Variants in RASA1 observed in about 807,000 individuals in gnomAD.
RASA1 encodes RAS p21 protein activator 1, also known as ras GTPase-activating protein 1.
Under a neutral mutation model 132.2 loss-of-function variants are expected in RASA1, and 25 were observed. The observed-to-expected ratio is 0.19, with a 90% CI of 0.14 to 0.26. The LOEUF (loss-of-function observed/expected upper bound fraction) is 0.26. RASA1 is among the 10% of genes least tolerant of loss of function. RASA1 has a pLI of 1.00. For synonymous variants in RASA1, 477 were observed against 449.9 expected (o/e 1.06, Z -0.76); for missense variants, 964 against 1,299.2 (o/e 0.74, Z 3.97).
intron 11 of RASA1, 120 bp from the exon 12 acceptor site, chr5:87,369,690 GTAT>G: frequency 1.4e-6 from 1 of 706,344 alleles, no homozygotes; most frequent in Non-Finnish European, 2.4e-6. Flanking sequence ...GTACAATGGA[GTAT>G]TATTTCTTTA....
chr5:87,330,196 TTAAG>T (rs1284969617), intron 1 of RASA1, among the ~76,000 whole-genome samples: 1 of 152,158 alleles, frequency 6.6e-6, no homozygotes, highest in Non-Finnish European at 1.5e-5. Context: ...TCCATAAGTT[TTAAG>T]TTTCTGTGTT....
At chr5:87,290,177 T>C (rs1323729938) in intron 1 of RASA1, among the ~76,000 whole-genome samples, 1 of 152,204 alleles carries the variant, frequency 6.6e-6, no homozygotes, top group African/African-American at 2.4e-5. Flanking sequence ...TTTACAGTGA[T>C]TTATTTCAAG....
intron 5 of RASA1, among the ~76,000 whole-genome samples, chr5:87,339,787 C>T (rs1015797019): frequency 3.9e-5 from 6 of 151,996 alleles, no homozygotes; most frequent in South Asian, 2.1e-4. Flanking sequence ...AGTAATTCCA[C>T]GTCATTTATA....
chr5:87,323,090 T>G (rs1756946677), intron 1 of RASA1, among the ~76,000 whole-genome samples: 1 of 152,176 alleles, frequency 6.6e-6, no homozygotes, highest in Non-Finnish European at 1.5e-5. Flanking sequence ...GGTTATAATT[T>G]GAGCTGATGG....
Position 87,370,227 on chromosome 5 carries a change from G to A in RASA1, c.1698+327G>A, listed in dbSNP as rs910988372. The stretch of plus-strand genomic sequence containing the variant: ...TCATCTCAGTATAATCCAAAGGTAA[G>A]CCAGTTAACCAGTTAGTTTTGCTAA... On this transcript the variant is annotated intron_variant, in intron 12 of 24. Coordinates refer to ENST00000274376, the MANE Select transcript of RASA1 (RefSeq NM_002890.3). Among the ~76,000 whole-genome samples, 3 of 152,082 alleles carry A rather than the reference G, an allele frequency of 2.0e-5. No individual in the cohort carries two copies. The South Asian group carries it at 6.2e-4, about 31-fold the overall frequency.
At chr5:87,329,475 A>C (rs1343370078) in intron 1 of RASA1, among the ~76,000 whole-genome samples, 1 of 152,036 alleles carries the variant, frequency 6.6e-6, no homozygotes, top group Non-Finnish European at 1.5e-5. Flanking sequence ...ACTAAAAACC[A>C]CAAATAAACA....
Position 87,267,945 on chromosome 5 carries a change from T to G in RASA1, c.-507T>G. ...ATTTCCTCGTTACCCCGCCCCCCTT[T>G]CTCTTGCCCCCCCACCCCTCTCATC... On this transcript the variant is annotated 5_prime_UTR_variant, in exon 1 of 25. Coordinates refer to ENST00000274376, the MANE Select transcript of RASA1 (RefSeq NM_002890.3). 3 of 363,222 alleles carry G rather than the reference T, an allele frequency of 8.3e-6. No homozygotes were observed. Among genetic ancestry groups the G allele is most frequent in the East Asian group, 4.2e-5 (1 of 23,550 alleles). 22.5% of individuals were successfully genotyped at this position (363,222 alleles called of 1,614,324 possible).
intron 9 of RASA1, among the ~76,000 whole-genome samples, chr5:87,360,548 C>T (rs1288687939): frequency 1.3e-5 from 2 of 152,128 alleles, no homozygotes; most frequent in Non-Finnish European, 2.9e-5. Context: ...AGTGATCAAT[C>T]CAGTGAATTT....
chr5:87,323,906 C>T (rs780828510), intron 1 of RASA1, among the ~76,000 whole-genome samples: 102 of 152,036 alleles, frequency 6.7e-4, no homozygotes, highest in Non-Finnish European at 1.2e-3. Context: ...CCTGTGTATC[C>T]TCCTACTTAC....
At chr5:87,312,489 A>G (rs1317442054) in intron 1 of RASA1, among the ~76,000 whole-genome samples, 1 of 152,188 alleles carries the variant, frequency 6.6e-6, no homozygotes, top group Non-Finnish European at 1.5e-5. Flanking sequence ...CTAATTTCTA[A>G]TACAGTAAAT....
At chr5:87,295,807 T>C (rs1359265715) in intron 1 of RASA1, among the ~76,000 whole-genome samples, 1 of 148,528 alleles carries the variant, frequency 6.7e-6, no homozygotes, top group Non-Finnish European at 1.5e-5. Context: ...CCACCACGCC[T>C]GTCCTCTAGT....
intron 1 of RASA1, among the ~76,000 whole-genome samples, chr5:87,286,838 AC>A (rs775611637): frequency 2.1e-4 from 32 of 150,254 alleles, no homozygotes; most frequent in Non-Finnish European, 3.6e-4. Context: ...ATATATATAT[AC>A]CATATATATA....
At chr5:87,300,040 C>T (rs1755291647) in intron 1 of RASA1, among the ~76,000 whole-genome samples, 1 of 151,996 alleles carries the variant, frequency 6.6e-6, no homozygotes, top group South Asian at 2.1e-4. Context: ...ACCAATAAAA[C>T]AAGAATAATA....
chr5:87,323,304 G>A (rs1756962129), intron 1 of RASA1, among the ~76,000 whole-genome samples: 1 of 152,082 alleles, frequency 6.6e-6, no homozygotes, highest in Non-Finnish European at 1.5e-5. Flanking sequence ...ATTGCCTAAC[G>A]CATAATAGGA....
chr5:87,311,185 T>C (rs1180887346), intron 1 of RASA1, among the ~76,000 whole-genome samples: 3 of 152,176 alleles, frequency 2.0e-5, no homozygotes, highest in Non-Finnish European at 2.9e-5. Context: ...GCTGACAAAC[T>C]ATGGTTATTT....
chr5:87,362,427 T>C, intron 9 of RASA1, 124 bp from the exon 10 acceptor site: 1 of 874,168 alleles, frequency 1.1e-6, no homozygotes, highest in African/African-American at 1.7e-5. Flanking sequence ...AGATCATTTA[T>C]GTGTTATGTG....
intron 1 of RASA1, among the ~76,000 whole-genome samples, chr5:87,282,427 T>C (rs1237904454): frequency 6.6e-6 from 1 of 152,250 alleles, no homozygotes; most frequent in Admixed American, 6.5e-5. Flanking sequence ...ATGATAAATC[T>C]CTTGCCACTT....
chr5:87,300,374 T>C (rs769071710), intron 1 of RASA1, among the ~76,000 whole-genome samples: 48 of 152,208 alleles, frequency 3.2e-4, no homozygotes, highest in Admixed American at 1.4e-3. Flanking sequence ...AAGCGAGATA[T>C]GTCTCATAAG....
At chr5:87,337,760 A>C (rs1296347001) in intron 4 of RASA1, among the ~76,000 whole-genome samples, 1 of 152,008 alleles carries the variant, frequency 6.6e-6, no homozygotes, top group African/African-American at 2.4e-5. Context: ...AACCCATTTT[A>C]CTCATGAGGT....
Sources: allele counts gnomAD v4.1 joint callset (sites outside exome capture counted in the v4.1 genomes callset), GRCh38; gene constraint gnomAD v4.1.1; transcripts MANE v1.5; gene names NCBI Gene and HGNC (gene_info 2026-07-23, HGNC 2026-07-21).